The following UNC5CL variants were observed in gnomAD, a reference collection of about 807,000 sequenced individuals.
The protein encoded by UNC5CL is UNC5C-like protein.
UNC5CL carries 42 observed loss-of-function variants against 54.1 expected under a neutral mutation model. The ratio of observed to expected loss-of-function variants is 0.78; its 90% CI spans 0.61 to 1.00. The LOEUF (loss-of-function observed/expected upper bound fraction) is 1.00, where lower values mean the gene tolerates loss of function less well. Ranked by LOEUF, UNC5CL falls within the 50% of genes least tolerant of loss-of-function variation. The pLI is 0.00. For missense variants in UNC5CL, 619 were observed against 675.6 expected (o/e 0.92, Z 0.93); for synonymous variants, 285 against 285.1 (o/e 1.00, Z 0.00).
chr6:41,034,314 T>A, intron 2 of UNC5CL, 133 bp from the exon 3 acceptor site: 1 of 1,076,414 alleles, frequency 9.3e-7, no homozygotes. Flanking sequence ...CACAGGGAAG[T>A]GGTATGAACA....
chr6:41,032,748 G>T, intron 4 of UNC5CL, 136 bp downstream of exon 4: 2 of 1,349,454 alleles, frequency 1.5e-6, no homozygotes, highest in Non-Finnish European at 2.0e-6. Flanking sequence ...GCAACAGAGC[G>T]AAACTCCATC....
Position 41,027,233 on chromosome 6 carries a change from C to A in UNC5CL, c.*1140G>T, listed in dbSNP as rs982278714. The A allele has an allele frequency of 1.3e-5, 2 of 152,210 alleles. No homozygotes were observed. Among genetic ancestry groups the A allele is most frequent in the Non-Finnish European group, 2.9e-5 (2 of 68,036 alleles). The allele number at this position is 152,210 out of a possible 1,614,324, so 9.4% of individuals were successfully genotyped here. ...CCCACCCATCCATTCCTAGAGTAGCCCTGTCTCTTTCAACAGTCTTTGATA... is the reference window on the plus strand; with the variant it reads ...CCCACCCATCCATTCCTAGAGTAGCACTGTCTCTTTCAACAGTCTTTGATA... On this transcript the variant is annotated 3_prime_UTR_variant, in exon 9 of 9. Transcript: ENST00000244565.
At chr6:41,036,808 G>A (rs1762529941) in intron 1 of UNC5CL, among the ~76,000 whole-genome samples, 1 of 150,676 alleles carries the variant, frequency 6.6e-6, no homozygotes, top group Non-Finnish European at 1.5e-5. Flanking sequence ...AGTGAAGCTG[G>A]AATGAGGCAG....
At chr6:41,034,615 T>C in intron 2 of UNC5CL, 75 bp downstream of exon 2, 1 of 1,521,508 alleles carries the variant, frequency 6.6e-7, no homozygotes, top group Non-Finnish European at 8.9e-7. Context: ...TCTATGAACA[T>C]TGCTCCCTCA....
rs1762417990 is a variant in UNC5CL at position 41,028,670 on chromosome 6, G to A, written c.1335-75C>T. ...TCCCCCCCTGCTGCAGGCTCCCTGG[G>A]CTGCGCAGCGCAAGGTCCGTCCCTT... On this transcript the variant is annotated intron_variant, in intron 8 of 8. Coordinates refer to ENST00000244565, the MANE Select transcript of UNC5CL (RefSeq NM_173561.3). The surrounding 1 kb of genome is among the most constrained non-coding windows in gnomAD (Gnocchi z 4.3). The A allele has an allele frequency of 1.4e-6, 2 of 1,417,150 alleles. No homozygotes were observed. The highest frequency in any genetic ancestry group is 1.8e-5 in the Admixed American group (1 of 54,486). 87.8% of individuals were successfully genotyped at this position (1,417,150 alleles called of 1,614,324 possible).
rs1561828362 is a variant in UNC5CL, at chr6:41,028,318, TAGG to T, written c.*52_*54del. On this transcript the variant is annotated 3_prime_UTR_variant, in exon 9 of 9. Coordinates refer to ENST00000244565, the MANE Select transcript of UNC5CL (RefSeq NM_173561.3). This position sits in a 1 kb window ranked among gnomAD's most constrained non-coding sequence, Gnocchi z 4.3. ...ACAGCTGCTGTGTTCCTCTTAGGCGTAGGAGAACAACCCCTCTCGCCCCTACAC... is the reference window on the plus strand; with the variant it reads ...ACAGCTGCTGTGTTCCTCTTAGGCGTAGAACAACCCCTCTCGCCCCTACAC... 2.0e-6 allele frequency: 3 copies of T among 1,467,912 alleles called. 1 individual carries two copies. Among genetic ancestry groups the T allele is most frequent in the South Asian group, 2.6e-5 (2 of 77,084 alleles). The allele number at this position is 1,467,912 out of a possible 1,614,324, so 90.9% of individuals were successfully genotyped here.
intron 1 of UNC5CL, among the ~76,000 whole-genome samples, chr6:41,036,627 A>G (rs1762527231): frequency 6.6e-6 from 1 of 152,194 alleles, no homozygotes; most frequent in South Asian, 2.1e-4. Flanking sequence ...GTATTTGTAG[A>G]TGAGAAAGCA....
In UNC5CL at chr6:41,028,307, C is replaced by G; in HGVS notation, c.*66G>C. The stretch of plus-strand genomic sequence containing the variant: ...CACAGCCAGGAACAGCTGCTGTGTT[C>G]CTCTTAGGCGTAGGAGAACAACCCC... On this transcript the variant is annotated 3_prime_UTR_variant, in exon 9 of 9. Coordinates refer to ENST00000244565, the MANE Select transcript of UNC5CL (RefSeq NM_173561.3). The surrounding 1 kb of genome is among the most constrained non-coding windows in gnomAD (Gnocchi z 4.3). 2 of 1,434,840 alleles carry G rather than the reference C, an allele frequency of 1.4e-6. No individual in the cohort carries two copies. The highest frequency in any genetic ancestry group is 9.3e-7 in the Non-Finnish European group (1 of 1,075,630). The allele number at this position is 1,434,840 out of a possible 1,614,324, so 88.9% of individuals were successfully genotyped here. A position where few individuals can be genotyped will look rare whatever the true frequency, so the allele number is the denominator to read the frequency against.
In UNC5CL at chr6:41,028,379, C is replaced by G. The variant is rs1318226876; in HGVS notation, c.1551G>C (p.Lys517Asn). Reference protein sequence around the residue: ...RDNQGLELDEKL With the variant: ...RDNQGLELDENL Reference sequence around the variant, plus strand: ...GGCCCTGCCCGCTGGGCGCTCAGAGCTTCTCGTCCAGCTCCAGGCCCTGGT... The same window carrying G: ...GGCCCTGCCCGCTGGGCGCTCAGAGGTTCTCGTCCAGCTCCAGGCCCTGGT... Residue 517 changes from lysine to asparagine, a missense_variant, in exon 9 of 9, where the codon AAG becomes AAC. Transcript: ENST00000244565. The surrounding 1 kb of genome is among the most constrained non-coding windows in gnomAD (Gnocchi z 4.3). 1 of 1,581,006 alleles carries G rather than the reference C, an allele frequency of 6.3e-7. No homozygotes were observed. Among genetic ancestry groups the G allele is most frequent in the African/African-American group, 1.3e-5 (1 of 74,464 alleles).
chr6:41,031,793 C>T (rs1239535012), intron 5 of UNC5CL, 45 bp from the exon 6 acceptor site: 1 of 1,602,224 alleles, frequency 6.2e-7, no homozygotes, highest in Non-Finnish European at 8.6e-7. Context: ...GAGGAAACGG[C>T]CTGGGGTAAG....
rs370026311 is a variant in UNC5CL, at chr6:41,029,287, C to A, written c.1335-692G>T. Among the ~76,000 whole-genome samples the A allele has an allele frequency of 6.6e-6, 1 of 152,244 alleles. No homozygotes were observed. Among genetic ancestry groups the A allele is most frequent in the Admixed American group, 6.5e-5 (1 of 15,284 alleles). On this transcript the variant is annotated intron_variant, in intron 8 of 8. Coordinates refer to ENST00000244565, the MANE Select transcript of UNC5CL (RefSeq NM_173561.3). The surrounding 1 kb of genome is among the most constrained non-coding windows in gnomAD (Gnocchi z 4.1). Reference sequence around the variant, plus strand: ...ATGGCTGATCTCTTCCCCATCACTTCCTCCCTGAAGCCCTTTCTAGTTCAC... The same window carrying A: ...ATGGCTGATCTCTTCCCCATCACTTACTCCCTGAAGCCCTTTCTAGTTCAC...
intron 3 of UNC5CL, 108 bp downstream of exon 3, chr6:41,033,773 C>T: frequency 7.0e-6 from 9 of 1,293,418 alleles, no homozygotes; most frequent in East Asian, 2.3e-5. Flanking sequence ...GATTTGCAGA[C>T]CATCTTCTAT....
At chr6:41,036,698 T>C (rs1301514754) in intron 1 of UNC5CL, among the ~76,000 whole-genome samples, 1 of 148,416 alleles carries the variant, frequency 6.7e-6, no homozygotes, top group Non-Finnish European at 1.5e-5. Flanking sequence ...TGAAGGTAGC[T>C]CACAGGGATA....
intron 1 of UNC5CL, among the ~76,000 whole-genome samples, chr6:41,036,579 T>C (rs918539132): frequency 8.5e-5 from 13 of 152,180 alleles, no homozygotes; most frequent in African/African-American, 3.1e-4. Flanking sequence ...AAGTGCCTCT[T>C]TGTGTAATGG....
chr6:41,028,680 GCAAGGTCCGTCCCTTCCC>G lies in UNC5CL; in HGVS notation c.1335-103_1335-86del. 7.5e-7 allele frequency: 1 copy of G among 1,329,366 alleles called. No homozygotes were observed. Among genetic ancestry groups the G allele is most frequent in the Non-Finnish European group, 1.0e-6 (1 of 960,634 alleles). 82.3% of individuals were successfully genotyped at this position (1,329,366 alleles called of 1,614,324 possible). ...CTGCAGGCTCCCTGGGCTGCGCAGC[GCAAGGTCCGTCCCTTCCC>G]CATCCTGTAGCTTTTGTCCTTGTCC... On this transcript the variant is annotated intron_variant, in intron 8 of 8. Transcript: ENST00000244565. This position sits in a 1 kb window ranked among gnomAD's most constrained non-coding sequence, Gnocchi z 4.3.
rs2114013058 is a variant in UNC5CL at position 41,039,143 on chromosome 6, A to T, written c.-62+19T>A. 6.6e-6 allele frequency: 1 copy of T among 152,326 alleles called. No homozygotes were observed. Among genetic ancestry groups the T allele is most frequent in the African/African-American group, 2.4e-5 (1 of 41,532 alleles). 9.4% of individuals were successfully genotyped at this position (152,326 alleles called of 1,614,324 possible). A position where few individuals can be genotyped will look rare whatever the true frequency, so the allele number is the denominator to read the frequency against. On this transcript the variant is annotated intron_variant, in intron 1 of 8. Coordinates refer to ENST00000244565, the MANE Select transcript of UNC5CL (RefSeq NM_173561.3). The stretch of plus-strand genomic sequence containing the variant: ...TGCCCATCCCCTCTCCAGCTGCCCC[A>T]AGGGGGTGCTCAACTTACCGTCTAG...
chr6:41,035,067 G>T lies in UNC5CL; in HGVS notation c.8C>A (p.Pro3His), dbSNP rs200088756. The change falls in exon 2 of 9, where the codon CCC (proline) becomes CAC (histidine). Residue 3 changes from proline (P) to histidine (H), a missense_variant. Coordinates refer to ENST00000244565, the MANE Select transcript of UNC5CL (RefSeq NM_173561.3). ...GGAGGGTTGGAATGAACTCTCCTGG[G>T]GGCACATTCGCCTGGTTACTCAATG... MC[P>H]QESSFQPSQF... 1.3e-6 allele frequency: 2 copies of T among 1,562,492 alleles called. No homozygotes were observed. The highest frequency in any genetic ancestry group is 1.4e-5 in the African/African-American group (1 of 73,794).
At position 41,034,078 on chromosome 6, in the gene UNC5CL, C is replaced by T. The variant is rs1387073248; in HGVS notation, c.489G>A (p.Val163=). The T allele has an allele frequency of 2.5e-6, 4 of 1,614,182 alleles. No homozygotes were observed. Among genetic ancestry groups the T allele is most frequent in the Non-Finnish European group, 3.4e-6 (4 of 1,180,018 alleles). ...AGGCCCCATGGGGGCCACATGCCACCACAGGGCTTACCAGCCCCTGGGCTT... is the reference window on the plus strand; with the variant it reads ...AGGCCCCATGGGGGCCACATGCCACTACAGGGCTTACCAGCCCCTGGGCTT... ...LSQAQGLVSP[V]VACGPHGASF... The change falls in exon 3 of 9, where the codon GTG becomes GTA. Residue 163 remains valine, a synonymous_variant. Transcript: ENST00000244565.
rs116708334 is a variant in UNC5CL, at chr6:41,033,271, G to A, written c.687-125C>T. 1,500 of 1,214,726 alleles carry A rather than the reference G, an allele frequency of 1.2e-3. 16 individuals carry two copies. The African/African-American group carries it at 0.019, about 16-fold the overall frequency. 75.2% of individuals were successfully genotyped at this position (1,214,726 alleles called of 1,614,324 possible). ...CTTCAAGGAGGTTCAGAGAACACTC[G>A]AGGGGAGCACTTAGGGAGGAACTGG... On this transcript the variant is annotated intron_variant, in intron 3 of 8. Coordinates refer to ENST00000244565, the MANE Select transcript of UNC5CL (RefSeq NM_173561.3).
Sources: allele counts gnomAD v4.1 joint callset (sites outside exome capture counted in the v4.1 genomes callset), GRCh38; gene constraint gnomAD v4.1.1; non-coding constraint Gnocchi (gnomAD v3.1); transcripts MANE v1.5; gene names NCBI Gene and HGNC (gene_info 2026-07-23, HGNC 2026-07-21).